The following FSIP2 variants were observed in gnomAD, a reference collection of about 807,000 sequenced individuals.
The protein encoded by FSIP2 is fibrous sheath interacting protein 2, also known as fibrous sheath-interacting protein 2.
Under a neutral mutation model 510.5 loss-of-function variants are expected in FSIP2, and 367 were observed. That is an observed-to-expected ratio of 0.72 (90% CI 0.66 to 0.78). The LOEUF is 0.78. Ranked by LOEUF, FSIP2 falls within the 30% of genes least tolerant of loss-of-function variation. The pLI, the probability that FSIP2 is intolerant of heterozygous loss-of-function variation, is 0.00. For missense variants in FSIP2, 7,594 were observed against 7,901.7 expected (o/e 0.96, Z 1.48); for synonymous variants, 2,601 against 2,732.2 (o/e 0.95, Z 1.50).
chr2:185,782,058 G>C (rs888877085), intron 13 of FSIP2, among the ~76,000 whole-genome samples: 1 of 152,128 alleles, frequency 6.6e-6, no homozygotes, highest in African/African-American at 2.4e-5. Context: ...GGATGGTCTC[G>C]ATCTCCTGAC....
intron 13 of FSIP2, chr2:185,765,424 T>C (rs903033781): frequency 3.9e-5 from 6 of 152,060 alleles, no homozygotes; most frequent in Admixed American, 6.6e-5. Flanking sequence ...TGCTTGTTTT[T>C]CTCAGGTTTG....
At position 185,809,116 on chromosome 2, in the gene FSIP2, G is replaced by A; in HGVS notation, c.19810G>A (p.Asp6604Asn). ...RTSLDKTGRL[D>N]VKPLEAVARN... ...CTCATTGGATAAGACTGGAAGACTG[G>A]ATGTAAAACCCCTAGAGGTAAGTGC... Residue 6604 changes from aspartate to asparagine, a missense_variant, in exon 17 of 23, where the codon GAT (aspartate) becomes AAT (asparagine). Transcript: ENST00000424728. 1 of 1,571,848 alleles carries A rather than the reference G, an allele frequency of 6.4e-7. No individual in the cohort carries two copies. Among genetic ancestry groups the A allele is most frequent in the Non-Finnish European group, 8.6e-7 (1 of 1,165,616 alleles).
At chr2:185,821,500 C>G (rs115407451) in intron 19 of FSIP2, among the ~76,000 whole-genome samples, 1,995 of 152,032 alleles carry the variant, frequency 0.013, 17 homozygotes, top group Non-Finnish European at 0.022. Flanking sequence ...AACAATATTA[C>G]TGATGAATAT....
chr2:185,743,118 A>C lies in FSIP2; in HGVS notation c.226-15A>C. On this transcript the variant is annotated splice_polypyrimidine_tract_variant and intron_variant, in intron 2 of 22. Coordinates refer to ENST00000424728, the MANE Select transcript of FSIP2 (RefSeq NM_173651.4). The stretch of plus-strand genomic sequence containing the variant: ...AATGCATTAATTTTACATATTTTTG[A>C]ATCTGTGTTTGCAGCTTTTTCGACC... 1 of 1,423,630 alleles carries C rather than the reference A, an allele frequency of 7.0e-7. No homozygotes were observed. Among genetic ancestry groups the C allele is most frequent in the East Asian group, 2.7e-5 (1 of 37,114 alleles). The allele number at this position is 1,423,630 out of a possible 1,614,324, so 88.2% of individuals were successfully genotyped here.
At chr2:185,771,802 T>G (rs1399658904) in intron 13 of FSIP2, among the ~76,000 whole-genome samples, 4 of 152,204 alleles carry the variant, frequency 2.6e-5, no homozygotes, top group Non-Finnish European at 5.9e-5. Flanking sequence ...ACCCTTTCCT[T>G]TTCTATCACA....
chr2:185,747,357 A>T lies in FSIP2; in HGVS notation c.804A>T (p.Glu268Asp). Residue 268 changes from glutamate to aspartate, a missense_variant, in exon 7 of 23, where the codon GAA becomes GAT. Transcript: ENST00000424728. ...TGTTACTTCTGACAAGGATGGCAGAAGATGTTAAAAGAGAAGAGAGGATAG... is the reference window on the plus strand; with the variant it reads ...TGTTACTTCTGACAAGGATGGCAGATGATGTTAAAAGAGAAGAGAGGATAG... Reference protein sequence around the residue: ...KEMLLLTRMAEDVKREERIEE... With the variant: ...KEMLLLTRMADDVKREERIEE... The T allele has an allele frequency of 6.5e-7, 1 of 1,533,114 alleles. No homozygotes were observed. The highest frequency in any genetic ancestry group is 8.7e-7 in the Non-Finnish European group (1 of 1,144,180). 95.0% of individuals were successfully genotyped at this position (1,533,114 alleles called of 1,614,324 possible).
Position 185,739,007 on chromosome 2 carries a change from A to G in FSIP2, c.99+14A>G. 1.3e-6 allele frequency: 2 copies of G among 1,530,062 alleles called. No individual in the cohort carries two copies. Among genetic ancestry groups the G allele is most frequent in the South Asian group, 2.4e-5 (2 of 83,646 alleles). The allele number at this position is 1,530,062 out of a possible 1,614,324, so 94.8% of individuals were successfully genotyped here. On this transcript the variant is annotated intron_variant, in intron 1 of 22. Coordinates refer to ENST00000424728, the MANE Select transcript of FSIP2 (RefSeq NM_173651.4). ...CAGTGCAGAGACGTGAGTGGCCGCA[A>G]GCTGGGCGGCGTCGCCCTCTGGCGG...
Position 185,802,618 on chromosome 2 carries a change from A to G in FSIP2, c.13312A>G (p.Asn4438Asp), listed in dbSNP as rs1183560485. The G allele has an allele frequency of 3.3e-6, 5 of 1,533,586 alleles. No homozygotes were observed. Among genetic ancestry groups the G allele is most frequent in the Non-Finnish European group, 3.5e-6 (4 of 1,145,360 alleles). The allele number at this position is 1,533,586 out of a possible 1,614,324, so 95.0% of individuals were successfully genotyped here. A position where few individuals can be genotyped will look rare whatever the true frequency, so the allele number is the denominator to read the frequency against. ...ASTYSNSVAE[N>D]IVQDILSNIS... ...TACCTATTCTAATTCAGTGGCTGAG[A>G]ATATTGTTCAGGACATCCTTAGTAA... The change falls in exon 17 of 23, where the codon AAT (asparagine) becomes GAT (aspartate). Residue 4438 changes from asparagine (N) to aspartate (D), a missense_variant. Coordinates refer to ENST00000424728, the MANE Select transcript of FSIP2 (RefSeq NM_173651.4).
At chr2:185,828,618 G>A (rs1324681831) in intron 21 of FSIP2, among the ~76,000 whole-genome samples, 2 of 151,818 alleles carry the variant, frequency 1.3e-5, no homozygotes, top group Non-Finnish European at 2.9e-5. Context: ...GGAGGTGCAT[G>A]GCTTGCAGGA....
At position 185,790,178 on chromosome 2, in the gene FSIP2, T is replaced by G; in HGVS notation, c.3042T>G (p.Asn1014Lys). Reference protein sequence around the residue: ...ENEEIDNIVKNVLDSTFKDEK... With the variant: ...ENEEIDNIVKKVLDSTFKDEK... ...AGGAAATAGACAATATTGTAAAAAA[T>G]GTGCTTGATTCAACTTTCAAAGATG... The change falls in exon 16 of 23, where the codon AAT (asparagine) becomes AAG (lysine). Residue 1014 changes from asparagine (N) to lysine (K), a missense_variant. Transcript: ENST00000424728. 6.5e-7 allele frequency: 1 copy of G among 1,531,904 alleles called. No homozygotes were observed. The highest frequency in any genetic ancestry group is 8.7e-7 in the Non-Finnish European group (1 of 1,144,872). 94.9% of individuals were successfully genotyped at this position (1,531,904 alleles called of 1,614,324 possible). A position where few individuals can be genotyped will look rare whatever the true frequency, so the allele number is the denominator to read the frequency against.
rs1170113947 is a variant in FSIP2 at position 185,795,067 on chromosome 2, T to G, written c.7931T>G (p.Val2644Gly). Residue 2644 changes from valine to glycine, a missense_variant, in exon 16 of 23, where the codon GTC becomes GGC. By Grantham distance (109) the Val-to-Gly change is moderately radical (BLOSUM62 -3). Transcript: ENST00000424728. ...GTTCTCAATAAGATCACAAATTTTGTCTCACTTCCTTTAAAGGTGAGCCCT... is the reference window on the plus strand; with the variant it reads ...GTTCTCAATAAGATCACAAATTTTGGCTCACTTCCTTTAAAGGTGAGCCCT... Reference protein sequence around the residue: ...QMVLNKITNFVSLPLKVSPKD... With the variant: ...QMVLNKITNFGSLPLKVSPKD... 3 of 1,534,652 alleles carry G rather than the reference T, an allele frequency of 2.0e-6. No homozygotes were observed. The African/African-American group carries it at 4.1e-5, about 21-fold the overall frequency.
In FSIP2 at chr2:185,792,888, G is replaced by A. The variant is rs1458057291; in HGVS notation, c.5752G>A (p.Glu1918Lys). ...CAAGGAGACAAAGGTAAATCTAGCT[G>A]AAGATATTGTACAGGCAATATTAAC... ...ADKETKVNLA[E>K]DIVQAILTNL... Residue 1918 changes from glutamate (E) to lysine (K), a missense_variant, in exon 16 of 23, where the codon GAA becomes AAA. Transcript: ENST00000424728. 2.0e-6 allele frequency: 3 copies of A among 1,534,224 alleles called. No individual in the cohort carries two copies. The highest frequency in any genetic ancestry group is 2.6e-6 in the Non-Finnish European group (3 of 1,145,678).
Position 185,801,626 on chromosome 2 carries a change from C to G in FSIP2, c.12320C>G (p.Pro4107Arg), listed in dbSNP as rs773488846. 1.3e-6 allele frequency: 2 copies of G among 1,530,176 alleles called. No individual in the cohort carries two copies. The highest frequency in any genetic ancestry group is 4.9e-5 in the East Asian group (2 of 40,818). 94.8% of individuals were successfully genotyped at this position (1,530,176 alleles called of 1,614,324 possible). A position where few individuals can be genotyped will look rare whatever the true frequency, so the allele number is the denominator to read the frequency against. Residue 4107 changes from proline (P) to arginine (R), a missense_variant, in exon 17 of 23, where the codon CCT becomes CGT. By Grantham distance (103) the Pro-to-Arg change is moderately radical (BLOSUM62 -2). Coordinates refer to ENST00000424728, the MANE Select transcript of FSIP2 (RefSeq NM_173651.4). ...KEHLIPHSYY[P>R]LKPEIILQKL... Reference sequence around the variant, plus strand: ...CATCTCATACCCCATTCATATTACCCTCTCAAACCTGAAATTATATTGCAA... The same window carrying G: ...CATCTCATACCCCATTCATATTACCGTCTCAAACCTGAAATTATATTGCAA...
rs1166156510 is a variant in FSIP2, at chr2:185,806,748, T to C, written c.17442T>C (p.Asn5814=). The change falls in exon 17 of 23, where the codon AAT becomes AAC. Residue 5814 remains asparagine (N), a synonymous_variant. Coordinates refer to ENST00000424728, the MANE Select transcript of FSIP2 (RefSeq NM_173651.4). The stretch of plus-strand genomic sequence containing the variant: ...CACAAATACAAGATAGATGTCAAAA[T>C]GTTAGTGATAAGCAAAATCAAGCCA... The part of the protein sequence containing the change: ...PETQIQDRCQ[N]VSDKQNQAKL... 3.8e-5 allele frequency: 61 copies of C among 1,611,736 alleles called. No homozygotes were observed. Among genetic ancestry groups the C allele is most frequent in the Non-Finnish European group, 5.0e-5 (59 of 1,178,730 alleles).
Position 185,794,832 on chromosome 2 carries a change from A to T in FSIP2, c.7696A>T (p.Thr2566Ser). 2 of 1,531,294 alleles carry T rather than the reference A, an allele frequency of 1.3e-6. No homozygotes were observed. Among genetic ancestry groups the T allele is most frequent in the Non-Finnish European group, 1.7e-6 (2 of 1,143,430 alleles). The allele number at this position is 1,531,294 out of a possible 1,614,324, so 94.9% of individuals were successfully genotyped here. A position where few individuals can be genotyped will look rare whatever the true frequency, so the allele number is the denominator to read the frequency against. ...TSLYENNKSR[T>S]EVEISDHNDS... is the part of the protein sequence containing the mutation. ...ATTATATGAAAATAATAAAAGTAGG[A>T]CAGAAGTTGAAATATCTGACCACAA... is the stretch of plus-strand genomic sequence containing the variant. The change falls in exon 16 of 23, where the codon ACA becomes TCA. Residue 2566 changes from threonine (T) to serine (S), a missense_variant. Coordinates refer to ENST00000424728, the MANE Select transcript of FSIP2 (RefSeq NM_173651.4).
chr2:185,752,869 T>C (rs1692175889), intron 7 of FSIP2, among the ~76,000 whole-genome samples: 1 of 151,474 alleles, frequency 6.6e-6, no homozygotes, highest in African/African-American at 2.4e-5. Context: ...ATGCCAGACA[T>C]GAATTTTACT....
At chr2:185,750,519 C>A (rs113249480) in intron 7 of FSIP2, among the ~76,000 whole-genome samples, 3,403 of 150,080 alleles carry the variant, frequency 0.023, 106 homozygotes, top group Non-Finnish European at 0.028. Flanking sequence ...TCAGTCCTGG[C>A]TAGAGTTGCT....
chr2:185,741,965 T>C (rs189927149), intron 2 of FSIP2, among the ~76,000 whole-genome samples: 278 of 152,228 alleles, frequency 1.8e-3, no homozygotes, highest in Non-Finnish European at 3.1e-3. Context: ...AGGACCCAAA[T>C]TGGTGCCTCT....
rs1693095697 is a variant in FSIP2, at chr2:185,790,515, G to T, written c.3379G>T (p.Gly1127Cys). 6.5e-7 allele frequency: 1 copy of T among 1,533,936 alleles called. No homozygotes were observed. Among genetic ancestry groups the T allele is most frequent in the African/African-American group, 1.4e-5 (1 of 72,864 alleles). ...MLKDISSVPF[G>C]HLDSKTGSEA... ...CAAGGACATATCTTCCGTTCCTTTT[G>T]GTCACTTAGACAGCAAAACTGGCAG... The change falls in exon 16 of 23, where the codon GGT becomes TGT. Residue 1127 changes from glycine to cysteine, a missense_variant. Gly to Cys is a radical substitution (Grantham distance 159). Coordinates refer to ENST00000424728, the MANE Select transcript of FSIP2 (RefSeq NM_173651.4).
Sources: allele counts gnomAD v4.1 joint callset (sites outside exome capture counted in the v4.1 genomes callset), GRCh38; gene constraint gnomAD v4.1.1; transcripts MANE v1.5; gene names NCBI Gene and HGNC (gene_info 2026-07-23, HGNC 2026-07-21).